Variants in POU6F2 observed in about 807,000 individuals in gnomAD.
POU6F2 encodes the protein POU domain, class 6, transcription factor 2.
Under a neutral mutation model 71.3 loss-of-function variants are expected in POU6F2, and 31 were observed. The ratio of observed to expected loss-of-function variants is 0.43; its 90% CI spans 0.33 to 0.59. The LOEUF is 0.59. POU6F2 is among the 20% of genes least tolerant of loss of function. POU6F2 has a pLI of 0.04. For missense variants in POU6F2, 783 were observed against 856.8 expected (o/e 0.91, Z 1.07); for synonymous variants, 347 against 355.7 (o/e 0.98, Z 0.27).
At chr7:39,306,493 C>A (rs1484091892) in intron 4 of POU6F2, among the ~76,000 whole-genome samples, 2 of 152,202 alleles carry the variant, frequency 1.3e-5, no homozygotes, top group East Asian at 3.8e-4. Flanking sequence ...AACCCATGCT[C>A]TCCCAGCTAC....
At chr7:39,117,403 C>T (rs1378366162) in intron 2 of POU6F2, among the ~76,000 whole-genome samples, 1 of 152,120 alleles carries the variant, frequency 6.6e-6, no homozygotes, top group Non-Finnish European at 1.5e-5. Flanking sequence ...CAGAGTTAAA[C>T]ATGGGTGATT....
At chr7:39,434,935 C>A (rs752785059) in intron 7 of POU6F2, among the ~76,000 whole-genome samples, 11 of 152,222 alleles carry the variant, frequency 7.2e-5, no homozygotes, top group Non-Finnish European at 8.8e-5. Flanking sequence ...CTTCCAGCTT[C>A]ATCCATATCC....
rs1789112303 is a variant in POU6F2 at position 39,467,972 on chromosome 7, C to CAA, written c.*3288_*3289dup. 1 of 151,634 alleles carries CAA rather than the reference C, an allele frequency of 6.6e-6. No homozygotes were observed. The highest frequency in any genetic ancestry group is 1.5e-5 in the Non-Finnish European group (1 of 67,922). 9.4% of individuals were successfully genotyped at this position (151,634 alleles called of 1,614,324 possible). ...TATTTTAAGAAAAAAAAAAGAAATA[C>CAA]AAACTGTTCATCAATGTTTTACCTC... is the stretch of plus-strand genomic sequence containing the variant. On this transcript the variant is annotated 3_prime_UTR_variant, in exon 10 of 10. Coordinates refer to ENST00000518318, the MANE Select transcript of POU6F2 (RefSeq NM_001370959.1).
At chr7:39,354,506 G>A (rs946378634) in intron 5 of POU6F2, among the ~76,000 whole-genome samples, 1 of 152,218 alleles carries the variant, frequency 6.6e-6, no homozygotes, top group East Asian at 1.9e-4. Flanking sequence ...TTCCAACATA[G>A]ATATGGTCCT....
At chr7:39,098,780 T>G (rs1199801019) in intron 2 of POU6F2, among the ~76,000 whole-genome samples, 1 of 152,228 alleles carries the variant, frequency 6.6e-6, no homozygotes, top group Non-Finnish European at 1.5e-5. Flanking sequence ...TGTAAAAGCC[T>G]ATAGAGTACC....
intron 6 of POU6F2, among the ~76,000 whole-genome samples, chr7:39,420,168 A>T (rs571129675): frequency 3.9e-5 from 6 of 152,256 alleles, no homozygotes; most frequent in Non-Finnish European, 7.3e-5. Context: ...TTCACATGGA[A>T]TTTGAAGATT....
chr7:39,418,698 A>G (rs1787743509), intron 6 of POU6F2, among the ~76,000 whole-genome samples: 1 of 151,250 alleles, frequency 6.6e-6, no homozygotes, highest in Non-Finnish European at 1.5e-5. Flanking sequence ...TCAAAAAAAA[A>G]AAAAGAAAAA....
chr7:39,034,527 A>AT, intron 1 of POU6F2: 1 of 417,996 alleles, frequency 2.4e-6, no homozygotes, highest in South Asian at 1.7e-5. Context: ...AATAATGCAC[A>AT]TAAAGTCGGG....
chr7:39,424,342 C>T (rs972426598), intron 6 of POU6F2, among the ~76,000 whole-genome samples: 14 of 152,160 alleles, frequency 9.2e-5, no homozygotes, highest in Non-Finnish European at 5.9e-5. Flanking sequence ...TTTTCATCGT[C>T]CTACTTTCTA....
At chr7:39,203,323 T>G (rs1793944127) in intron 2 of POU6F2, among the ~76,000 whole-genome samples, 1 of 152,228 alleles carries the variant, frequency 6.6e-6, no homozygotes. Flanking sequence ...AAAAGGATCT[T>G]GTTAAGGTTT....
intron 1 of POU6F2, among the ~76,000 whole-genome samples, chr7:39,009,534 C>T (rs1193864642): frequency 6.6e-6 from 1 of 152,112 alleles, no homozygotes; most frequent in African/African-American, 2.4e-5. Context: ...TGCCTAATTG[C>T]CCTGGCCAAA....
chr7:39,393,425 C>G (rs1183903263), intron 5 of POU6F2, among the ~76,000 whole-genome samples: 2 of 152,160 alleles, frequency 1.3e-5, no homozygotes, highest in Non-Finnish European at 2.9e-5. Context: ...AAAGGACCCC[C>G]TGGGCTCTTT....
intron 2 of POU6F2, among the ~76,000 whole-genome samples, chr7:39,133,847 A>G (rs1371305954): frequency 6.6e-6 from 1 of 152,182 alleles, no homozygotes; most frequent in African/African-American, 2.4e-5. Flanking sequence ...TAGAAACTCA[A>G]TAAATACCTT....
intron 4 of POU6F2, among the ~76,000 whole-genome samples, chr7:39,208,975 T>C (rs1170773909): frequency 6.6e-6 from 1 of 152,130 alleles, no homozygotes; most frequent in African/African-American, 2.4e-5. Flanking sequence ...TTGAATATTA[T>C]AAATAAACAT....
intron 1 of POU6F2, among the ~76,000 whole-genome samples, chr7:39,085,531 C>T (rs529300682): frequency 3.3e-5 from 5 of 151,924 alleles, no homozygotes; most frequent in African/African-American, 9.7e-5. Context: ...CGCACAAAAG[C>T]ATATCCCACA....
chr7:39,073,311 AC>A (rs1790924597), intron 1 of POU6F2, among the ~76,000 whole-genome samples: 3 of 152,082 alleles, frequency 2.0e-5, no homozygotes, highest in African/African-American at 7.2e-5. Flanking sequence ...TGAATTGGAA[AC>A]AAATCTGCAA....
At chr7:39,418,110 T>C (rs1230200622) in intron 6 of POU6F2, among the ~76,000 whole-genome samples, 4 of 152,202 alleles carry the variant, frequency 2.6e-5, no homozygotes, top group Non-Finnish European at 2.9e-5. Context: ...ATGGCTGGAT[T>C]CAAACTCAGT....
chr7:39,180,786 C>G (rs914307097), intron 2 of POU6F2, among the ~76,000 whole-genome samples: 1 of 152,148 alleles, frequency 6.6e-6, no homozygotes, highest in Admixed American at 6.5e-5. Flanking sequence ...CCATTACTGG[C>G]TTCAGTTTCC....
intron 4 of POU6F2, among the ~76,000 whole-genome samples, chr7:39,297,087 A>G (rs938567127): frequency 2.0e-5 from 3 of 152,126 alleles, no homozygotes; most frequent in Non-Finnish European, 4.4e-5. Context: ...GTAATTAAGA[A>G]GAGTTGATGA....
Sources: gnomAD v4.1 joint callset for allele counts (sites outside exome capture counted in the v4.1 genomes callset) on GRCh38, gnomAD v4.1.1 for gene constraint, MANE v1.5 for transcripts, NCBI Gene and HGNC (gene_info 2026-07-23, HGNC 2026-07-21) for gene names.